The following RIGI variants were observed in gnomAD, a reference collection of about 807,000 sequenced individuals.
The protein encoded by RIGI is antiviral innate immune response receptor RIG-I.
chr9:32,486,423 C>T, the RIGI span, among the ~76,000 whole-genome samples: 617 of 143,126 alleles, frequency 4.3e-3, 5 homozygotes, highest in African/African-American at 0.015. Context: ...CACTGCACTC[C>T]AGCCTGGGCA....
At chr9:32,519,424 A>G in the RIGI span, among the ~76,000 whole-genome samples, 1 of 152,254 alleles carries the variant, frequency 6.6e-6, no homozygotes, top group East Asian at 1.9e-4. Context: ...AGCCTTTAAA[A>G]TTTGTTTGGT....
the RIGI span, among the ~76,000 whole-genome samples, chr9:32,513,623 C>T: frequency 6.6e-6 from 1 of 152,138 alleles, no homozygotes; most frequent in Admixed American, 6.5e-5. Flanking sequence ...ACCATAAAGT[C>T]CCTAGAAGAA....
At chr9:32,467,952 C>T in the RIGI span, 1 of 1,544,674 alleles carries the variant, frequency 6.5e-7, no homozygotes, top group Non-Finnish European at 8.8e-7. Flanking sequence ...AGTAAGAGGG[C>T]ATTATACAAC....
At chr9:32,512,594 C>A in the RIGI span, among the ~76,000 whole-genome samples, 1 of 152,134 alleles carries the variant, frequency 6.6e-6, no homozygotes, top group Non-Finnish European at 1.5e-5. Flanking sequence ...CTATTTATGA[C>A]AAACCCACAG....
the RIGI span, among the ~76,000 whole-genome samples, chr9:32,496,325 T>A: frequency 2.0e-5 from 3 of 152,240 alleles, no homozygotes; most frequent in Admixed American, 1.3e-4. Context: ...CCCAGATAGC[T>A]GGTAAAACAT....
chr9:32,517,321 T>A, the RIGI span, among the ~76,000 whole-genome samples: 4 of 152,254 alleles, frequency 2.6e-5, no homozygotes, highest in Non-Finnish European at 5.9e-5. Context: ...TGAGTTTGTA[T>A]TGCTATCTCA....
the RIGI span, among the ~76,000 whole-genome samples, chr9:32,466,685 T>C: frequency 1.5e-4 from 10 of 67,696 alleles, no homozygotes; most frequent in Admixed American, 2.6e-3. Context: ...GAGCAAGACC[T>C]ATCTCAAAAA....
the RIGI span, among the ~76,000 whole-genome samples, chr9:32,474,589 T>G: frequency 6.6e-6 from 1 of 152,354 alleles, no homozygotes; most frequent in South Asian, 2.1e-4. Context: ...GTCTGTGAGA[T>G]GGACCTGTGG....
At chr9:32,485,484 G>T in the RIGI span, 1 of 577,796 alleles carries the variant, frequency 1.7e-6, no homozygotes, top group Non-Finnish European at 3.1e-6. Context: ...GTTGCTTCTT[G>T]TACTGATTCT....
the RIGI span, among the ~76,000 whole-genome samples, chr9:32,489,899 A>G: frequency 6.6e-6 from 1 of 152,230 alleles, no homozygotes; most frequent in Non-Finnish European, 1.5e-5. Flanking sequence ...TTCTCAAATG[A>G]TATTTTCTCT....
the RIGI span, among the ~76,000 whole-genome samples, chr9:32,514,570 T>C: frequency 6.6e-6 from 1 of 152,082 alleles, no homozygotes; most frequent in African/African-American, 2.4e-5. Flanking sequence ...CACTGGGGCC[T>C]GTTGGGGGCT....
the RIGI span, among the ~76,000 whole-genome samples, chr9:32,472,640 T>A: frequency 5.9e-5 from 9 of 152,218 alleles, no homozygotes; most frequent in African/African-American, 2.2e-4. Context: ...GGTTCCAGTC[T>A]GTTCCTGATA....
At chr9:32,482,643 G>A in the RIGI span, among the ~76,000 whole-genome samples, 11 of 152,130 alleles carry the variant, frequency 7.2e-5, no homozygotes, top group East Asian at 1.4e-3. Flanking sequence ...GGTGGATCAC[G>A]AGGTCAAGAG....
At chr9:32,458,870 G>A in the RIGI span, among the ~76,000 whole-genome samples, 19 of 148,598 alleles carry the variant, frequency 1.3e-4, no homozygotes, top group African/African-American at 2.2e-4. Context: ...TCCAGGACAC[G>A]TCATTGCATT....
At chr9:32,523,338 T>A in the RIGI span, among the ~76,000 whole-genome samples, 6 of 152,204 alleles carry the variant, frequency 3.9e-5, no homozygotes, top group Admixed American at 3.9e-4. Flanking sequence ...ACCCTTTTCC[T>A]GAACTCCACA....
At chr9:32,507,063 C>A in the RIGI span, among the ~76,000 whole-genome samples, 1 of 151,954 alleles carries the variant, frequency 6.6e-6, no homozygotes, top group Non-Finnish European at 1.5e-5. Flanking sequence ...TTTTTTAAAC[C>A]TATGATTAAT....
At chr9:32,512,775 C>T in the RIGI span, among the ~76,000 whole-genome samples, 1 of 152,086 alleles carries the variant, frequency 6.6e-6, no homozygotes, top group Admixed American at 6.6e-5. Flanking sequence ...ACAGAAAGTC[C>T]AATTGTCCCT....
At chr9:32,466,914 C>T in the RIGI span, among the ~76,000 whole-genome samples, 1 of 152,080 alleles carries the variant, frequency 6.6e-6, no homozygotes, top group Admixed American at 6.6e-5. Context: ...AACAGGCCCT[C>T]CTTCAAGAAC....
the RIGI span, among the ~76,000 whole-genome samples, chr9:32,476,407 A>C: frequency 6.6e-6 from 1 of 151,948 alleles, no homozygotes; most frequent in East Asian, 1.9e-4. Flanking sequence ...GAGGGTGATG[A>C]GGTGGGAGAA....
Sources: gnomAD v4.1 joint callset for allele counts (sites outside exome capture counted in the v4.1 genomes callset) on GRCh38, gnomAD v4.1.1 for gene constraint, MANE v1.5 for transcripts, NCBI Gene and HGNC (gene_info 2026-07-23, HGNC 2026-07-21) for gene names.